Variants in RASSF5 observed in about 807,000 individuals in gnomAD.
RASSF5 encodes Ras association domain family member 5, also known as ras association domain-containing protein 5.
In RASSF5, 25 loss-of-function variants were observed where a neutral mutation model predicts 40.5. The observed-to-expected ratio is 0.62, with a 90% CI of 0.45 to 0.86. The LOEUF (loss-of-function observed/expected upper bound fraction) is 0.86. Among genes scored for constraint, RASSF5 ranks in the 40% least tolerant of loss-of-function variants. The pLI is 0.00. For missense variants in RASSF5, 521 were observed against 572.8 expected, an observed-to-expected ratio of 0.91 and a Z score of 0.92; for synonymous variants, 246 against 252.4, an observed-to-expected ratio of 0.97 and a Z score of 0.24.
intron 2 of RASSF5, chr1:206,542,801 G>A (rs1362639015): frequency 2.0e-5 from 3 of 152,008 alleles, no homozygotes; most frequent in Admixed American, 6.5e-5. Context: ...AAATATCCTC[G>A]AATCACTGGT....
intron 1 of RASSF5, among the ~76,000 whole-genome samples, chr1:206,510,307 C>G (rs1666583207): frequency 6.6e-6 from 1 of 151,980 alleles, no homozygotes; most frequent in Non-Finnish European, 1.5e-5. Context: ...GAACCAGAGC[C>G]CTGGGTTTGA....
At chr1:206,520,688 G>T (rs543901262) in intron 1 of RASSF5, among the ~76,000 whole-genome samples, 75 of 152,084 alleles carry the variant, frequency 4.9e-4, no homozygotes, top group Non-Finnish European at 8.8e-5. Context: ...CCACTTTCTG[G>T]CTGTGGCTCC....
At position 206,535,312 on chromosome 1, in the gene RASSF5, G is replaced by A. The variant is rs1213646876; in HGVS notation, c.458-2860G>A. On this transcript the variant is annotated intron_variant, in intron 1 of 5. Transcript: ENST00000579436. The surrounding 1 kb of genome is among the most constrained non-coding windows in gnomAD (Gnocchi z 5.0). ...GTTTGGTTTGGCAGCAGCTGGTGAC[G>A]AGCTGCCTTAAGGGAACTGTGGTCT... Among the ~76,000 whole-genome samples the A allele has an allele frequency of 6.6e-6, 1 of 152,226 alleles. No individual in the cohort carries two copies. The highest frequency in any genetic ancestry group is 2.4e-5 in the African/African-American group (1 of 41,450).
At chr1:206,569,311 A>G (rs1324228202) in intron 2 of RASSF5, among the ~76,000 whole-genome samples, 1 of 152,208 alleles carries the variant, frequency 6.6e-6, no homozygotes, top group Non-Finnish European at 1.5e-5. Context: ...TGGTTGGTAA[A>G]TCAGGTTTTA....
chr1:206,548,404 C>G (rs540677266), intron 2 of RASSF5, among the ~76,000 whole-genome samples: 29 of 152,164 alleles, frequency 1.9e-4, no homozygotes, highest in African/African-American at 6.3e-4. Flanking sequence ...GAGGAGGAGG[C>G]GCCAAGCTCC....
In RASSF5 at chr1:206,507,972, T is replaced by A; in HGVS notation, c.370T>A (p.Cys124Ser). The change falls in exon 1 of 6, where the codon TGC becomes AGC. Residue 124 changes from cysteine (C) to serine (S), a missense_variant. Transcript: ENST00000579436. ...RVPAERGEGH[C>S]FAELVLPGGP... ...CCCGGCGGAGCGAGGCGAGGGGCAC[T>A]GCTTCGCCGAGTTGGTGCTGCCGGG... The A allele has an allele frequency of 1.3e-6, 2 of 1,535,478 alleles. No individual in the cohort carries two copies. The highest frequency in any genetic ancestry group is 1.9e-5 in the Admixed American group (1 of 51,784).
chr1:206,565,462 C>T (rs576880042), intron 2 of RASSF5, among the ~76,000 whole-genome samples: 1 of 152,346 alleles, frequency 6.6e-6, no homozygotes, highest in African/African-American at 2.4e-5. Flanking sequence ...CAGCACCTGG[C>T]CTCAGTCAGA....
chr1:206,581,638 A>G lies in RASSF5; in HGVS notation c.580-1631A>G, dbSNP rs551652732. Among the ~76,000 whole-genome samples the G allele has an allele frequency of 2.3e-3, 345 of 150,398 alleles. 2 individuals carry two copies. Among genetic ancestry groups the G allele is most frequent in the African/African-American group, 8.3e-3 (339 of 40,652 alleles). The stretch of plus-strand genomic sequence containing the variant: ...AGAGAGAGACAGAGAGAGAGGGGGG[A>G]GAGAGAGAGAGAGAAAGAAAAGGAA... On this transcript the variant is annotated intron_variant, in intron 2 of 5. Coordinates refer to ENST00000579436, the MANE Select transcript of RASSF5 (RefSeq NM_182663.4).
chr1:206,563,168 C>G (rs1668193649), intron 2 of RASSF5, among the ~76,000 whole-genome samples: 1 of 152,170 alleles, frequency 6.6e-6, no homozygotes, highest in South Asian at 2.1e-4. Context: ...AACCACGGGC[C>G]ATTGGCTGGA....
intron 2 of RASSF5, among the ~76,000 whole-genome samples, chr1:206,581,650 A>T (rs1007089435): frequency 6.6e-6 from 1 of 151,162 alleles, no homozygotes; most frequent in Non-Finnish European, 1.5e-5. Flanking sequence ...AGAGAGAGAG[A>T]GAAAGAAAAG....
intron 1 of RASSF5, among the ~76,000 whole-genome samples, chr1:206,514,818 AG>A (rs1666706380): frequency 6.6e-6 from 1 of 152,248 alleles, no homozygotes. Flanking sequence ...TGAACCTGCT[AG>A]GATGAGTATA....
intron 1 of RASSF5, among the ~76,000 whole-genome samples, chr1:206,525,014 G>A (rs915459905): frequency 6.6e-6 from 1 of 151,984 alleles, no homozygotes; most frequent in South Asian, 2.1e-4. Flanking sequence ...TGCCTGGCAG[G>A]CACTCCTCTT....
chr1:206,523,057 C>A (rs1666948816), intron 1 of RASSF5, among the ~76,000 whole-genome samples: 1 of 151,836 alleles, frequency 6.6e-6, no homozygotes, highest in Non-Finnish European at 1.5e-5. Flanking sequence ...GTAATCCCAG[C>A]ACTTTGGGAG....
intron 1 of RASSF5, 62 bp downstream of exon 1, chr1:206,508,121 G>A: frequency 8.0e-7 from 1 of 1,246,702 alleles, no homozygotes; most frequent in Non-Finnish European, 1.0e-6. Flanking sequence ...GAAGGACTGG[G>A]AGGGCCCTGG....
At position 206,587,645 on chromosome 1, in the gene RASSF5, T is replaced by C. The variant is rs533629148; in HGVS notation, c.*667T>C. 2.6e-5 allele frequency: 4 copies of C among 154,162 alleles called. No homozygotes were observed. In the South Asian group the frequency reaches 6.1e-4, roughly 24 times the overall value. The allele number at this position is 154,162 out of a possible 1,614,324, so 9.5% of individuals were successfully genotyped here. ...GCCCTGGCTCTGGCCCTGGCCCACA[T>C]TGCACATGGAAACCCAAAGGCATAT... On this transcript the variant is annotated 3_prime_UTR_variant, in exon 6 of 6. Transcript: ENST00000579436.
chr1:206,578,173 T>C (rs974854434), intron 2 of RASSF5, among the ~76,000 whole-genome samples: 5 of 151,632 alleles, frequency 3.3e-5, no homozygotes, highest in Non-Finnish European at 7.4e-5. Flanking sequence ...CTGCAGTGAG[T>C]TGTGATTGCA....
chr1:206,548,725 G>A (rs1325440462), intron 2 of RASSF5, among the ~76,000 whole-genome samples: 1 of 151,968 alleles, frequency 6.6e-6, no homozygotes, highest in Non-Finnish European at 1.5e-5. Context: ...AAAAATTGGG[G>A]GCATTATTTC....
chr1:206,533,082 A>G (rs1402049936), intron 1 of RASSF5, among the ~76,000 whole-genome samples: 1 of 152,140 alleles, frequency 6.6e-6, no homozygotes, highest in African/African-American at 2.4e-5. Flanking sequence ...ACAGCCTCCT[A>G]GCCATGGAAC....
At chr1:206,516,256 A>G (rs1322991963) in intron 1 of RASSF5, among the ~76,000 whole-genome samples, 1 of 152,170 alleles carries the variant, frequency 6.6e-6, no homozygotes, top group South Asian at 2.1e-4. Context: ...AGAAAAATCT[A>G]TCTAGTTTTC....
Sources: allele counts gnomAD v4.1 joint callset (sites outside exome capture counted in the v4.1 genomes callset), GRCh38; gene constraint gnomAD v4.1.1; non-coding constraint Gnocchi (gnomAD v3.1); transcripts MANE v1.5; gene names NCBI Gene and HGNC (gene_info 2026-07-23, HGNC 2026-07-21).